Variants in MYO1E observed in about 807,000 individuals in gnomAD.
MYO1E encodes the protein myosin IE, also known as unconventional myosin-Ie.
MYO1E carries 68 observed loss-of-function variants against 151.1 expected under a neutral mutation model. The observed-to-expected ratio is 0.45, with a 90% CI of 0.37 to 0.55. The LOEUF is 0.55. Among genes scored for constraint, MYO1E ranks in the 20% least tolerant of loss-of-function variants. The probability of loss-of-function intolerance (pLI) is 0.00; values close to 1 mark genes in which losing one functional copy is unlikely to be tolerated. For synonymous variants in MYO1E, 601 were observed against 501.7 expected (o/e 1.20, Z -2.64); for missense variants, 1,363 against 1,389.3 (o/e 0.98, Z 0.30).
chr15:59,160,660 C>T (rs1427673273), intron 24 of MYO1E, among the ~76,000 whole-genome samples: 3 of 151,900 alleles, frequency 2.0e-5, no homozygotes, highest in Non-Finnish European at 4.4e-5. Flanking sequence ...TTCAAGCGAT[C>T]GTCCGGCCTT....
In MYO1E at chr15:59,231,809, C is replaced by T. The variant is rs774357430; in HGVS notation, c.421-18G>A. 1 of 1,613,628 alleles carries T rather than the reference C, an allele frequency of 6.2e-7. No homozygotes were observed. The highest frequency in any genetic ancestry group is 2.2e-5 in the East Asian group (1 of 44,884). On this transcript the variant is annotated intron_variant, in intron 5 of 27. Coordinates refer to ENST00000288235, the MANE Select transcript of MYO1E (RefSeq NM_004998.4). The stretch of plus-strand genomic sequence containing the variant: ...TTCACGTGCTGTCCCAGCAAATAGA[C>T]CGGAGGTTAGGAAGGTGTGAACACC...
intron 15 of MYO1E, among the ~76,000 whole-genome samples, chr15:59,202,947 T>C (rs1596363039): frequency 6.6e-6 from 1 of 152,174 alleles, no homozygotes; most frequent in South Asian, 2.1e-4. Context: ...GGTTTCGCCA[T>C]GTTTCCCAGG....
At chr15:59,208,371 T>C (rs2079854447) in intron 14 of MYO1E, 1 of 558,204 alleles carries the variant, frequency 1.8e-6, no homozygotes, top group Non-Finnish European at 3.2e-6. Context: ...TGTAGGTATT[T>C]ATTGTGTTCT....
chr15:59,298,165 A>T (rs1416501642), intron 1 of MYO1E, among the ~76,000 whole-genome samples: 1 of 152,216 alleles, frequency 6.6e-6, no homozygotes, highest in African/African-American at 2.4e-5. Flanking sequence ...CTTTGCGACT[A>T]TGTAAATATC....
intron 1 of MYO1E, among the ~76,000 whole-genome samples, chr15:59,368,453 T>C (rs1462667457): frequency 2.0e-5 from 3 of 151,390 alleles, no homozygotes; most frequent in African/African-American, 7.3e-5. Flanking sequence ...CACTAAAAAA[T>C]ACAAAATATT....
chr15:59,240,393 G>C (rs1044070221), intron 4 of MYO1E, among the ~76,000 whole-genome samples: 1 of 152,104 alleles, frequency 6.6e-6, no homozygotes, highest in South Asian at 2.1e-4. Context: ...TGTGGGGGGG[G>C]TCTGTGTACT....
chr15:59,214,514 G>T, intron 11 of MYO1E, 126 bp downstream of exon 11: 1 of 1,053,322 alleles, frequency 9.5e-7, no homozygotes, highest in Non-Finnish European at 1.5e-6. Flanking sequence ...ATGAGCCTGA[G>T]TTGTTTTTTT....
chr15:59,348,375 C>T (rs763429676), intron 1 of MYO1E, among the ~76,000 whole-genome samples: 3 of 152,200 alleles, frequency 2.0e-5, no homozygotes, highest in African/African-American at 4.8e-5. Context: ...ACATCCTGAT[C>T]AGTTTGCATT....
intron 1 of MYO1E, among the ~76,000 whole-genome samples, chr15:59,362,454 C>T (rs1161772841): frequency 1.3e-5 from 2 of 152,194 alleles, no homozygotes; most frequent in Non-Finnish European, 1.5e-5. Flanking sequence ...AGGTCAGTAG[C>T]TTCCAACATA....
intron 2 of MYO1E, among the ~76,000 whole-genome samples, chr15:59,261,774 G>T (rs2080225667): frequency 6.6e-6 from 1 of 152,140 alleles, no homozygotes. Flanking sequence ...CTTTCAAGAT[G>T]GGTGACACGT....
intron 1 of MYO1E, among the ~76,000 whole-genome samples, chr15:59,351,928 A>C (rs1166071835): frequency 2.0e-5 from 3 of 152,206 alleles, no homozygotes; most frequent in East Asian, 1.9e-4. Context: ...CTCTATTTTC[A>C]TGCTATTGAT....
At chr15:59,319,989 A>G (rs2080615674) in intron 1 of MYO1E, among the ~76,000 whole-genome samples, 1 of 152,204 alleles carries the variant, frequency 6.6e-6, no homozygotes, top group South Asian at 2.1e-4. Context: ...TTCACGATAC[A>G]ATATCAGCAT....
In MYO1E at chr15:59,153,787, G is replaced by A. The variant is rs1359672115; in HGVS notation, c.2883C>T (p.Tyr961=). Reference sequence around the variant, plus strand: ...GGTTTCTGATGACTCCGTTCTGATGGTATCCTAGAGAGAGGAACAGAGAAG... The same window carrying A: ...GGTTTCTGATGACTCCGTTCTGATGATATCCTAGAGAGAGGAACAGAGAAG... The part of the protein sequence containing the change: ...PVRAAPPPPG[Y]HQNGVIRNQY... Residue 961 remains tyrosine (Y), a synonymous_variant, in exon 26 of 28, where the codon TAC becomes TAT. Coordinates refer to ENST00000288235, the MANE Select transcript of MYO1E (RefSeq NM_004998.4). The A allele has an allele frequency of 5.0e-6, 8 of 1,612,342 alleles. No homozygotes were observed. The highest frequency in any genetic ancestry group is 6.8e-6 in the Non-Finnish European group (8 of 1,178,506).
intron 22 of MYO1E, among the ~76,000 whole-genome samples, chr15:59,165,444 T>C (rs1250017089): frequency 1.3e-5 from 2 of 152,192 alleles, no homozygotes; most frequent in African/African-American, 4.8e-5. Context: ...TTGGTCATTA[T>C]CATTACCTCA....
At chr15:59,268,727 T>TTTTTTTTTTTTTG in intron 2 of MYO1E, among the ~76,000 whole-genome samples, 1 of 132,790 alleles carries the variant, frequency 7.5e-6, no homozygotes, top group Non-Finnish European at 1.6e-5. Context: ...GGTATTTTTT[T>TTTTTTTTTTTTTG]TTTTTTTTTT....
In MYO1E at chr15:59,226,507, C is replaced by T. The variant is rs563617592; in HGVS notation, c.642+952G>A. 1.1e-4 allele frequency among the ~76,000 whole-genome samples: 17 copies of T among 152,224 alleles called. No homozygotes were observed. The East Asian group carries it at 2.9e-3, about 26-fold the overall frequency. On this transcript the variant is annotated intron_variant, in intron 7 of 27. Coordinates refer to ENST00000288235, the MANE Select transcript of MYO1E (RefSeq NM_004998.4). ...TTTTTAAGTACTTAAAAACCTTTTA[C>T]AAAAGTACCTGAATCAGGGCCAGGT...
At chr15:59,312,553 T>C (rs1411969026) in intron 1 of MYO1E, among the ~76,000 whole-genome samples, 3 of 152,176 alleles carry the variant, frequency 2.0e-5, no homozygotes, top group African/African-American at 7.2e-5. Context: ...ACCCTGGCTG[T>C]TACAATGGCA....
At chr15:59,149,269 G>A (rs1227711422) in intron 26 of MYO1E, among the ~76,000 whole-genome samples, 1 of 152,018 alleles carries the variant, frequency 6.6e-6, no homozygotes, top group Non-Finnish European at 1.5e-5. Flanking sequence ...TGTTAATCAG[G>A]ATGGTCTTGA....
chr15:59,306,021 C>T (rs1453165637), intron 1 of MYO1E, among the ~76,000 whole-genome samples: 1 of 152,178 alleles, frequency 6.6e-6, no homozygotes, highest in South Asian at 2.1e-4. Context: ...GAAATAAACA[C>T]ATGCCACAGT....
Sources: allele counts gnomAD v4.1 joint callset (sites outside exome capture counted in the v4.1 genomes callset), GRCh38; gene constraint gnomAD v4.1.1; transcripts MANE v1.5; gene names NCBI Gene and HGNC (gene_info 2026-07-23, HGNC 2026-07-21).